Variants in EFCAB3 observed in about 807,000 individuals in gnomAD.
EFCAB3 encodes the protein EF-hand calcium binding domain 3.
Under a neutral mutation model 42.2 loss-of-function variants are expected in EFCAB3, and 36 were observed. That is an observed-to-expected ratio of 0.85 (90% CI 0.65 to 1.13). EFCAB3 has a LOEUF of 1.13. Ranked by LOEUF, EFCAB3 falls within the 50% of genes most tolerant of loss-of-function variation. EFCAB3 has a pLI of 0.00. For missense variants in EFCAB3, 418 were observed against 505.1 expected (o/e 0.83, Z 1.65); for synonymous variants, 170 against 172.8 (o/e 0.98, Z 0.13).
chr17:62,390,273 T>C (rs2070292257), intron 3 of EFCAB3, among the ~76,000 whole-genome samples: 1 of 152,198 alleles, frequency 6.6e-6, no homozygotes. Flanking sequence ...CTTTCTTCAG[T>C]AAATTCTTTG....
rs184045616 is a variant in EFCAB3 at position 62,387,742 on chromosome 17, G to C, written c.151+326G>C. ...GAACACAAACACAGCTACAGTCCTAGGATTTCTCAAAGAAAACAATATAAA... is the reference window on the plus strand; with the variant it reads ...GAACACAAACACAGCTACAGTCCTACGATTTCTCAAAGAAAACAATATAAA... On this transcript the variant is annotated intron_variant, in intron 3 of 9. Transcript: ENST00000305286. 3.5e-4 allele frequency among the ~76,000 whole-genome samples: 53 copies of C among 152,234 alleles called. 1 individual carries two copies. The highest frequency in any genetic ancestry group is 1.3e-3 in the African/African-American group (53 of 41,536).
chr17:62,411,618 T>G, intron 8 of EFCAB3, among the ~76,000 whole-genome samples: 1 of 151,516 alleles, frequency 6.6e-6, no homozygotes, highest in Non-Finnish European at 1.5e-5. Flanking sequence ...AATACAAAAA[T>G]TAGTCAGGCA....
intron 9 of EFCAB3, 145 bp from the exon 10 acceptor site, chr17:62,415,858 C>T (rs563818233): frequency 2.0e-5 from 13 of 665,348 alleles, no homozygotes; most frequent in East Asian, 1.6e-4. Flanking sequence ...CTAGCTCACA[C>T]GTCCTCACGA....
intron 4 of EFCAB3, among the ~76,000 whole-genome samples, chr17:62,392,495 A>G (rs1567723737): frequency 6.6e-6 from 1 of 152,204 alleles, no homozygotes; most frequent in Non-Finnish European, 1.5e-5. Flanking sequence ...AATGTTAATA[A>G]TGACATGTTA....
chr17:62,374,548 G>A (rs964650869), intron 2 of EFCAB3, among the ~76,000 whole-genome samples: 1 of 151,872 alleles, frequency 6.6e-6, no homozygotes, highest in Non-Finnish European at 1.5e-5. Context: ...GTACTTTTTG[G>A]TTGTAGGCCC....
intron 1 of EFCAB3, among the ~76,000 whole-genome samples, chr17:62,371,516 C>T (rs1411577996): frequency 6.6e-6 from 1 of 152,140 alleles, no homozygotes; most frequent in Non-Finnish European, 1.5e-5. Flanking sequence ...CAAGATTGCG[C>T]CACTGCACTC....
chr17:62,400,715 A>T (rs2144096201), intron 6 of EFCAB3, among the ~76,000 whole-genome samples: 1 of 152,334 alleles, frequency 6.6e-6, no homozygotes, highest in Non-Finnish European at 1.5e-5. Context: ...CTATAGCAGC[A>T]TGATTTATAA....
chr17:62,381,673 G>A (rs918054830), intron 1 of EFCAB3: 16 of 203,282 alleles, frequency 7.9e-5, no homozygotes, highest in Middle Eastern at 1.9e-3. Context: ...CCCCCAGTGC[G>A]CTCGGTCACC....
chr17:62,391,895 T>G lies in EFCAB3; in HGVS notation c.225T>G (p.Thr75=), dbSNP rs756389804. The G allele has an allele frequency of 6.2e-7, 1 of 1,613,800 alleles. No homozygotes were observed. The change falls in exon 4 of 10, where the codon ACT becomes ACG. Residue 75 remains threonine (T), a synonymous_variant. Coordinates refer to ENST00000305286, the MANE Select transcript of EFCAB3 (RefSeq NM_173503.4). ...GCIDFHGLMC[T]VAKLGMNLTK... Reference sequence around the variant, plus strand: ...TTGATTTCCATGGACTGATGTGCACTGTAGCTAAGCTGGGAATGAATCTGA... The same window carrying G: ...TTGATTTCCATGGACTGATGTGCACGGTAGCTAAGCTGGGAATGAATCTGA...
chr17:62,416,022 C>T lies in EFCAB3; in HGVS notation c.1010C>T (p.Thr337Ile), dbSNP rs1389793197. 1.9e-6 allele frequency: 3 copies of T among 1,612,722 alleles called. No homozygotes were observed. In the African/African-American group the frequency reaches 4.0e-5, roughly 22 times the overall value. Residue 337 changes from threonine (T) to isoleucine (I), a missense_variant, in exon 10 of 10, where the codon ACC becomes ATC. Coordinates refer to ENST00000305286, the MANE Select transcript of EFCAB3 (RefSeq NM_173503.4). ...IKQHVKRATD[T>I]YNLGIALEHR... is the part of the protein sequence containing the mutation. ...CTGCAGGTGAAGAGAGCTACTGATACCTATAATTTAGGAATTGCCCTTGAA... is the reference window on the plus strand; with the variant it reads ...CTGCAGGTGAAGAGAGCTACTGATATCTATAATTTAGGAATTGCCCTTGAA...
intron 2 of EFCAB3, among the ~76,000 whole-genome samples, chr17:62,374,392 C>T (rs1047668981): frequency 1.3e-5 from 2 of 152,008 alleles, no homozygotes; most frequent in Non-Finnish European, 2.9e-5. Flanking sequence ...ACCTGGAAGG[C>T]GGAGGTTGCA....
At chr17:62,413,467 A>G (rs1055566774) in intron 8 of EFCAB3, among the ~76,000 whole-genome samples, 1 of 152,216 alleles carries the variant, frequency 6.6e-6, no homozygotes, top group Admixed American at 6.5e-5. Flanking sequence ...ATAATTACCA[A>G]AAGGACAGAC....
intron 8 of EFCAB3, 86 bp from the exon 9 acceptor site, chr17:62,413,646 T>TA (rs1598023802): frequency 4.5e-6 from 5 of 1,122,324 alleles, no homozygotes; most frequent in Non-Finnish European, 6.1e-6. Context: ...CCTTCTATAA[T>TA]AAAATATACT....
At chr17:62,390,081 C>A (rs920877653) in intron 3 of EFCAB3, among the ~76,000 whole-genome samples, 1 of 151,982 alleles carries the variant, frequency 6.6e-6, no homozygotes, top group East Asian at 1.9e-4. Flanking sequence ...CCACCGTGCC[C>A]GGCCATAAAT....
chr17:62,399,930 A>G (rs1410056738), intron 6 of EFCAB3, among the ~76,000 whole-genome samples: 2 of 152,162 alleles, frequency 1.3e-5, no homozygotes, highest in Admixed American at 6.5e-5. Context: ...ATTCACTGCT[A>G]TCTTCCCAGT....
upstream of EFCAB3, among the ~76,000 whole-genome samples, chr17:62,377,719 A>G (rs1302518409): frequency 2.6e-5 from 4 of 152,174 alleles, no homozygotes; most frequent in Admixed American, 2.6e-4. Flanking sequence ...TTACATCCTA[A>G]AAGATGATAA....
upstream of EFCAB3, among the ~76,000 whole-genome samples, chr17:62,377,026 G>C (rs1399381556): frequency 6.6e-6 from 1 of 152,150 alleles, no homozygotes; most frequent in African/African-American, 2.4e-5. Flanking sequence ...TCCAGGAAGG[G>C]AGAAGAGCCA....
In EFCAB3 at chr17:62,416,023, C is replaced by T. The variant is rs748426426; in HGVS notation, c.1011C>T (p.Thr337=). ...IKQHVKRATD[T]YNLGIALEHR... Reference sequence around the variant, plus strand: ...TGCAGGTGAAGAGAGCTACTGATACCTATAATTTAGGAATTGCCCTTGAAC... The same window carrying T: ...TGCAGGTGAAGAGAGCTACTGATACTTATAATTTAGGAATTGCCCTTGAAC... The change falls in exon 10 of 10, where the codon ACC becomes ACT. Residue 337 remains threonine, a synonymous_variant. Coordinates refer to ENST00000305286, the MANE Select transcript of EFCAB3 (RefSeq NM_173503.4). The T allele has an allele frequency of 6.2e-6, 10 of 1,612,880 alleles. No homozygotes were observed. In the South Asian group the frequency reaches 9.9e-5, roughly 16 times the overall value.
intron 6 of EFCAB3, among the ~76,000 whole-genome samples, chr17:62,405,498 G>A (rs1230437695): frequency 6.6e-6 from 1 of 152,246 alleles, no homozygotes; most frequent in African/African-American, 2.4e-5. Flanking sequence ...ACAGCATGAA[G>A]TGATGCTCTT....
Sources: allele counts gnomAD v4.1 joint callset (sites outside exome capture counted in the v4.1 genomes callset), GRCh38; gene constraint gnomAD v4.1.1; transcripts MANE v1.5; gene names NCBI Gene and HGNC (gene_info 2026-07-23, HGNC 2026-07-21).